The following MECR variants were observed in gnomAD, a reference collection of about 807,000 sequenced individuals.
The protein encoded by MECR is enoyl-[acyl-carrier-protein] reductase, mitochondrial.
In MECR, 37 loss-of-function variants were observed where a neutral mutation model predicts 49.1. That is an observed-to-expected ratio of 0.75 (90% CI 0.58 to 0.99). The LOEUF (loss-of-function observed/expected upper bound fraction) is 0.99, where lower values mean the gene tolerates loss of function less well. Among genes scored for constraint, MECR ranks in the 50% least tolerant of loss-of-function variants. MECR has a pLI of 0.00. For synonymous variants in MECR, 198 were observed against 191.1 expected, an observed-to-expected ratio of 1.04 and a Z score of -0.30; for missense variants, 470 against 479.6, an observed-to-expected ratio of 0.98 and a Z score of 0.19.
chr1:29,200,690 G>T, intron 6 of MECR, 101 bp from the exon 7 acceptor site: 1 of 986,310 alleles, frequency 1.0e-6, no homozygotes, highest in Non-Finnish European at 1.6e-6. Context: ...TAAATGAGAT[G>T]TTTATGCCTT....
intron 3 of MECR, among the ~76,000 whole-genome samples, chr1:29,207,306 G>C (rs1676857311): frequency 6.6e-6 from 1 of 152,032 alleles, no homozygotes; most frequent in African/African-American, 2.4e-5. Flanking sequence ...TTTTAGTAGA[G>C]ACAGGGTTTT....
chr1:29,224,338 C>T (rs1166899179), intron 1 of MECR: 1 of 152,134 alleles, frequency 6.6e-6, no homozygotes, highest in African/African-American at 2.4e-5. Flanking sequence ...GAACCAAGGG[C>T]CAAGAGGGGG....
At chr1:29,217,511 G>C (rs887741312) in intron 1 of MECR, among the ~76,000 whole-genome samples, 1 of 151,958 alleles carries the variant, frequency 6.6e-6, no homozygotes, top group African/African-American at 2.4e-5. Flanking sequence ...CACTGTGCCC[G>C]GTCTTTCAAC....
At chr1:29,217,192 CA>C (rs1433770208) in intron 1 of MECR, among the ~76,000 whole-genome samples, 2 of 137,036 alleles carry the variant, frequency 1.5e-5, no homozygotes, top group Non-Finnish European at 3.1e-5. Flanking sequence ...TCATTAACTG[CA>C]AGTGGAAAAC....
the MECR span, chr1:29,169,505 A>C: frequency 6.6e-6 from 1 of 152,256 alleles, no homozygotes; most frequent in Non-Finnish European, 1.5e-5. Context: ...AATACCAGTA[A>C]GTTGTGAACA....
At chr1:29,220,295 G>A (rs1205404644) in intron 1 of MECR, among the ~76,000 whole-genome samples, 3 of 152,120 alleles carry the variant, frequency 2.0e-5, no homozygotes, top group Non-Finnish European at 4.4e-5. Context: ...CAGCTATCTG[G>A]GAGGCTGAGG....
Position 29,227,773 on chromosome 1 carries a change from T to C in MECR, c.176+2958A>G, listed in dbSNP as rs549182920. 2.2e-3 allele frequency among the ~76,000 whole-genome samples: 341 copies of C among 152,332 alleles called. 1 individual carries two copies. The highest frequency in any genetic ancestry group is 3.8e-3 in the Non-Finnish European group (256 of 68,030). On this transcript the variant is annotated intron_variant, in intron 1 of 9. Coordinates refer to ENST00000263702, the MANE Select transcript of MECR (RefSeq NM_016011.5). ...TGTAAAGGACACCTGATTCTTTCTG[T>C]GACAGTGTGGTTACCCTAAACCTTG... is the stretch of plus-strand genomic sequence containing the variant.
the MECR span, among the ~76,000 whole-genome samples, chr1:29,175,274 G>T: frequency 1.3e-5 from 2 of 151,862 alleles, no homozygotes; most frequent in African/African-American, 4.8e-5. Context: ...TTAGCCGGGG[G>T]TGGTGGTGCA....
At chr1:29,174,407 A>G in the MECR span, among the ~76,000 whole-genome samples, 1 of 152,232 alleles carries the variant, frequency 6.6e-6, no homozygotes, top group Non-Finnish European at 1.5e-5. Context: ...AGTATTATAC[A>G]TGCATAAAAT....
the MECR span, among the ~76,000 whole-genome samples, chr1:29,179,955 CTGAG>C: frequency 1.3e-5 from 2 of 152,214 alleles, no homozygotes; most frequent in African/African-American, 4.8e-5. Flanking sequence ...ACACTATCAC[CTGAG>C]TAACATTAGA....
intron 1 of MECR, among the ~76,000 whole-genome samples, chr1:29,219,418 T>C (rs1680231658): frequency 6.6e-6 from 1 of 152,192 alleles, no homozygotes; most frequent in South Asian, 2.1e-4. Flanking sequence ...ACAGCTTCTC[T>C]ATGAAGTGAG....
chr1:29,217,822 G>C (rs1574458888), intron 1 of MECR, among the ~76,000 whole-genome samples: 2 of 152,284 alleles, frequency 1.3e-5, no homozygotes, highest in East Asian at 3.9e-4. Context: ...GGGCGTAATG[G>C]GGAGATGGCC....
At chr1:29,189,788 C>G (rs958453592), downstream of MECR, among the ~76,000 whole-genome samples, 2 of 152,072 alleles carry the variant, frequency 1.3e-5, no homozygotes, top group Non-Finnish European at 2.9e-5. Context: ...TTTCAAAGCA[C>G]AGTTCTGATC....
In MECR at chr1:29,203,352, AC is replaced by A. The variant is rs1372704378; in HGVS notation, c.551-120del. ...TCCTCAGGCTCAACAGGGACCCAGG[AC>A]CTGGCTGCTGAGTCTTCTCAGACCT... is the stretch of plus-strand genomic sequence containing the variant. On this transcript the variant is annotated intron_variant, in intron 4 of 9. Coordinates refer to ENST00000263702, the MANE Select transcript of MECR (RefSeq NM_016011.5). 4 of 689,026 alleles carry A rather than the reference AC, an allele frequency of 5.8e-6. No individual in the cohort carries two copies. In the African/African-American group the frequency reaches 7.3e-5, roughly 13 times the overall value. The allele number at this position is 689,026 out of a possible 1,614,324, so 42.7% of individuals were successfully genotyped here. A position where few individuals can be genotyped will look rare whatever the true frequency, so the allele number is the denominator to read the frequency against.
At chr1:29,221,031 C>A in intron 1 of MECR, 2 of 468,730 alleles carry the variant, frequency 4.3e-6, no homozygotes, top group Non-Finnish European at 5.6e-6. Flanking sequence ...GATACTGTGC[C>A]AAGGGGTTTC....
chr1:29,211,736 C>T (rs895910844), intron 3 of MECR, among the ~76,000 whole-genome samples: 3 of 152,328 alleles, frequency 2.0e-5, no homozygotes, highest in Non-Finnish European at 2.9e-5. Flanking sequence ...AGTGCACTTT[C>T]TACGGCTCTG....
intron 3 of MECR, among the ~76,000 whole-genome samples, chr1:29,214,061 C>CTTTTTT (rs1200557418): frequency 3.6e-5 from 5 of 138,562 alleles, no homozygotes; most frequent in Non-Finnish European, 4.7e-5. Flanking sequence ...AATCAACTTT[C>CTTTTTT]TTTTTTTTTT....
intron 3 of MECR, among the ~76,000 whole-genome samples, chr1:29,209,617 C>G (rs1354749884): frequency 1.3e-5 from 2 of 152,038 alleles, no homozygotes; most frequent in Non-Finnish European, 2.9e-5. Flanking sequence ...AAGACAGAAT[C>G]AATAGGATTT....
the MECR span, among the ~76,000 whole-genome samples, chr1:29,184,433 G>A: frequency 2.0e-5 from 3 of 152,118 alleles, no homozygotes; most frequent in African/African-American, 7.2e-5. Flanking sequence ...GTGAGCCACC[G>A]CGCCCGGCAA....
Sources: gnomAD v4.1 joint callset for allele counts (sites outside exome capture counted in the v4.1 genomes callset) on GRCh38, gnomAD v4.1.1 for gene constraint, MANE v1.5 for transcripts, NCBI Gene and HGNC (gene_info 2026-07-23, HGNC 2026-07-21) for gene names.